The following PDE11A variants were observed in gnomAD, a reference collection of about 807,000 sequenced individuals.
The protein encoded by PDE11A is dual 3',5'-cyclic-AMP and -GMP phosphodiesterase 11A.
PDE11A carries 100 observed loss-of-function variants against 100.5 expected under a neutral mutation model. That is an observed-to-expected ratio of 1.00 (90% CI 0.85 to 1.18). The LOEUF (loss-of-function observed/expected upper bound fraction) is 1.18. Among genes scored for constraint, PDE11A ranks in the 50% most tolerant of loss-of-function variants. PDE11A has a pLI of 0.00. For missense variants in PDE11A, 1,141 were observed against 1,152.6 expected, an observed-to-expected ratio of 0.99 and a Z score of 0.15; for synonymous variants, 381 against 420.8, an observed-to-expected ratio of 0.91 and a Z score of 1.16.
intron 9 of PDE11A, among the ~76,000 whole-genome samples, chr2:177,783,200 A>G (rs555725998): frequency 5.9e-5 from 9 of 152,182 alleles, no homozygotes; most frequent in African/African-American, 2.2e-4. Flanking sequence ...GAGGCAGTCA[A>G]TATTCATTCC....
At chr2:177,703,702 C>T (rs2081235551) in intron 13 of PDE11A, among the ~76,000 whole-genome samples, 2 of 152,198 alleles carry the variant, frequency 1.3e-5, no homozygotes, top group Admixed American at 1.3e-4. Flanking sequence ...ACAAAAGCTG[C>T]ATCAGCTAGA....
At chr2:177,900,261 A>G (rs2084676579) in intron 3 of PDE11A, among the ~76,000 whole-genome samples, 1 of 152,234 alleles carries the variant, frequency 6.6e-6, no homozygotes, top group Non-Finnish European at 1.5e-5. Flanking sequence ...CACTTGATTC[A>G]ACAGAATGTA....
At chr2:177,926,738 C>T (rs1158345311) in intron 2 of PDE11A, among the ~76,000 whole-genome samples, 1 of 151,506 alleles carries the variant, frequency 6.6e-6, no homozygotes, top group Non-Finnish European at 1.5e-5. Flanking sequence ...TTATTATTAT[C>T]TACATTTCCT....
At chr2:177,871,962 C>A (rs907017309) in intron 5 of PDE11A, among the ~76,000 whole-genome samples, 2 of 152,098 alleles carry the variant, frequency 1.3e-5, no homozygotes, top group African/African-American at 4.8e-5. Context: ...GCTTAAGCAG[C>A]CAAATATATA....
intron 1 of PDE11A, among the ~76,000 whole-genome samples, chr2:178,025,029 C>T (rs143082296): frequency 9.2e-5 from 14 of 152,308 alleles, no homozygotes; most frequent in African/African-American, 3.4e-4. Flanking sequence ...CTACATAGCT[C>T]ATTCTTTAGG....
intron 10 of PDE11A, among the ~76,000 whole-genome samples, chr2:177,733,986 G>T (rs2081733073): frequency 6.6e-6 from 1 of 152,232 alleles, no homozygotes; most frequent in Non-Finnish European, 1.5e-5. Context: ...TTGTGCTAGA[G>T]ACTGGCTCCT....
intron 19 of PDE11A, among the ~76,000 whole-genome samples, chr2:177,660,606 G>A (rs2080472469): frequency 6.6e-6 from 1 of 152,208 alleles, no homozygotes; most frequent in Admixed American, 6.5e-5. Context: ...AAAATTGAGT[G>A]GAACTTGAAG....
chr2:177,847,981 A>AT (rs2083630027), intron 5 of PDE11A, among the ~76,000 whole-genome samples: 1 of 149,922 alleles, frequency 6.7e-6, no homozygotes, highest in Non-Finnish European at 1.5e-5. Context: ...TCTAGTGTGA[A>AT]TGGTGTGTTT....
intron 2 of PDE11A, among the ~76,000 whole-genome samples, chr2:177,964,021 C>T (rs2085667093): frequency 6.6e-6 from 1 of 152,116 alleles, no homozygotes. Flanking sequence ...TAGAGAAGAT[C>T]CTCAATAATG....
At chr2:177,912,594 C>T (rs74893091) in intron 2 of PDE11A, among the ~76,000 whole-genome samples, 5,778 of 152,172 alleles carry the variant, frequency 0.038, 374 homozygotes, top group African/African-American at 0.13. Flanking sequence ...TTAATTCCCA[C>T]CCTCTTATTT....
intron 6 of PDE11A, among the ~76,000 whole-genome samples, chr2:177,825,096 T>C (rs936598940): frequency 1.3e-5 from 2 of 152,086 alleles, no homozygotes; most frequent in African/African-American, 2.4e-5. Context: ...GGACTGAAAA[T>C]GGCTTACTGA....
chr2:177,661,774 A>C (rs189090416), intron 19 of PDE11A, among the ~76,000 whole-genome samples: 7 of 152,338 alleles, frequency 4.6e-5, no homozygotes, highest in African/African-American at 9.6e-5. Flanking sequence ...AGCTTCTGTA[A>C]ATAGCTCCTT....
chr2:177,960,760 T>C (rs1375856715), intron 2 of PDE11A, among the ~76,000 whole-genome samples: 1 of 152,204 alleles, frequency 6.6e-6, no homozygotes, highest in Non-Finnish European at 1.5e-5. Flanking sequence ...AAAATAGGTC[T>C]GCCCTAAGGA....
chr2:177,957,395 T>C (rs2085578591), intron 2 of PDE11A, among the ~76,000 whole-genome samples: 1 of 152,182 alleles, frequency 6.6e-6, no homozygotes, highest in African/African-American at 2.4e-5. Flanking sequence ...ATGGAAGTAA[T>C]TTTTTTAAAT....
chr2:177,871,425 G>A (rs915804382), intron 5 of PDE11A, among the ~76,000 whole-genome samples: 1 of 151,996 alleles, frequency 6.6e-6, no homozygotes, highest in African/African-American at 2.4e-5. Flanking sequence ...GGGAATTCCG[G>A]AGTGGGCAAG....
chr2:177,859,555 T>C (rs1434476335), intron 5 of PDE11A, among the ~76,000 whole-genome samples: 1 of 151,866 alleles, frequency 6.6e-6, no homozygotes, highest in African/African-American at 2.4e-5. Flanking sequence ...CTTTCTATAA[T>C]AGAGCAACTA....
intron 19 of PDE11A, among the ~76,000 whole-genome samples, chr2:177,640,432 A>T (rs1410206213): frequency 6.6e-6 from 1 of 152,228 alleles, no homozygotes; most frequent in Non-Finnish European, 1.5e-5. Context: ...AGAACATGCA[A>T]ATGGTGGCAG....
At chr2:177,785,689 T>C (rs1413828735) in intron 9 of PDE11A, among the ~76,000 whole-genome samples, 1 of 152,184 alleles carries the variant, frequency 6.6e-6, no homozygotes, top group African/African-American at 2.4e-5. Flanking sequence ...ACCCTAATAC[T>C]GCGCTTTTCC....
chr2:177,802,458 A>G (rs886227273), intron 9 of PDE11A, among the ~76,000 whole-genome samples: 2 of 152,092 alleles, frequency 1.3e-5, no homozygotes, highest in Non-Finnish European at 2.9e-5. Context: ...TAGCCAAAGT[A>G]TTGATCAAGA....
Sources: gnomAD v4.1 joint callset for allele counts (sites outside exome capture counted in the v4.1 genomes callset) on GRCh38, gnomAD v4.1.1 for gene constraint, MANE v1.5 for transcripts, NCBI Gene and HGNC (gene_info 2026-07-23, HGNC 2026-07-21) for gene names.